The following ANK2 variants were observed in gnomAD, a reference collection of about 807,000 sequenced individuals.
The protein encoded by ANK2 is ankyrin-2.
ANK2 carries 83 observed loss-of-function variants against 360.5 expected under a neutral mutation model. The observed-to-expected ratio is 0.23, with a 90% CI of 0.19 to 0.28. The LOEUF is 0.28. Ranked by LOEUF, ANK2 falls within the 10% of genes least tolerant of loss-of-function variation. The pLI is 1.00. For missense variants in ANK2, 4,201 were observed against 4,795.7 expected, an observed-to-expected ratio of 0.88 and a Z score of 3.66; for synonymous variants, 1,740 against 1,759.5, an observed-to-expected ratio of 0.99 and a Z score of 0.28.
intron 2 of ANK2, among the ~76,000 whole-genome samples, chr4:112,945,391 T>C (rs968194207): frequency 6.6e-6 from 1 of 152,196 alleles, no homozygotes; most frequent in African/African-American, 2.4e-5. Flanking sequence ...TACCATTTAG[T>C]ATCAAGATTT....
intron 2 of ANK2, among the ~76,000 whole-genome samples, chr4:113,043,602 G>A (rs1176914861): frequency 2.0e-5 from 3 of 152,078 alleles, no homozygotes; most frequent in Admixed American, 6.6e-5. Context: ...TGAATTTTGG[G>A]AAGCTGGATT....
chr4:113,027,685 T>C (rs1226673986), intron 2 of ANK2, among the ~76,000 whole-genome samples: 1 of 152,170 alleles, frequency 6.6e-6, no homozygotes, highest in East Asian at 1.9e-4. Context: ...GTTCACAAAT[T>C]TAAATATTCC....
chr4:112,940,764 A>G (rs1023427567), intron 2 of ANK2, among the ~76,000 whole-genome samples: 1 of 152,122 alleles, frequency 6.6e-6, no homozygotes, highest in Non-Finnish European at 1.5e-5. Flanking sequence ...TCTTTTTTGC[A>G]TGAAAAAATA....
At chr4:113,261,209 CTT>C (rs1215478171) in intron 13 of ANK2, among the ~76,000 whole-genome samples, 4 of 152,220 alleles carry the variant, frequency 2.6e-5, no homozygotes, top group Non-Finnish European at 5.9e-5. Context: ...TGAAAATCTC[CTT>C]TTCCAGAAGG....
At chr4:112,776,828 C>G in the ANK2 span, among the ~76,000 whole-genome samples, 2 of 152,056 alleles carry the variant, frequency 1.3e-5, no homozygotes, top group African/African-American at 4.8e-5. Context: ...GCTGTGAATC[C>G]CATATATTTG....
chr4:113,097,037 C>T (rs1231877307), intron 1 of ANK2, among the ~76,000 whole-genome samples: 2 of 124,574 alleles, frequency 1.6e-5, no homozygotes, highest in African/African-American at 6.6e-5. Context: ...AATATTATCA[C>T]TCCTTCAATT....
At chr4:113,138,951 C>T (rs1015073513) in intron 1 of ANK2, among the ~76,000 whole-genome samples, 1 of 151,950 alleles carries the variant, frequency 6.6e-6, no homozygotes, top group East Asian at 1.9e-4. Flanking sequence ...TATTTTCTAC[C>T]CTTAGTCATG....
intron 23 of ANK2, among the ~76,000 whole-genome samples, chr4:113,307,948 T>C (rs560470768): frequency 2.4e-4 from 36 of 152,364 alleles, no homozygotes; most frequent in African/African-American, 8.2e-4. Context: ...ATCATCATTC[T>C]ATTAAGTGAG....
At position 113,250,760 on chromosome 4, in the gene ANK2, C is replaced by G. The variant is rs537481636; in HGVS notation, c.990+898C>G. Among the ~76,000 whole-genome samples, 49 of 136,710 alleles carry G rather than the reference C, an allele frequency of 3.6e-4. 15 individuals are homozygous for G. The highest frequency in any genetic ancestry group is 6.5e-4 in the Non-Finnish European group (40 of 61,498). The allele number at this position is 136,710 out of a possible 152,430, so 89.7% of individuals were successfully genotyped here. On this transcript the variant is annotated intron_variant, in intron 10 of 45. Coordinates refer to ENST00000357077, the MANE Select transcript of ANK2 (RefSeq NM_001148.6). ...CCATTCCACCTCATACCACCGCCCC[C>G]CCCCCCGACAGAGTTGGTATCAACT...
chr4:113,167,585 C>A (rs554756168), intron 1 of ANK2, among the ~76,000 whole-genome samples: 4 of 152,206 alleles, frequency 2.6e-5, no homozygotes, highest in African/African-American at 9.6e-5. Flanking sequence ...CAGGTGTGAG[C>A]CACTGCGCCC....
At chr4:113,310,486 G>T (rs546751051) in intron 23 of ANK2, among the ~76,000 whole-genome samples, 6 of 152,050 alleles carry the variant, frequency 3.9e-5, no homozygotes, top group African/African-American at 1.4e-4. Context: ...GTGCAATCTC[G>T]GCTCACTGCA....
the ANK2 span, among the ~76,000 whole-genome samples, chr4:112,761,489 A>G: frequency 6.6e-6 from 1 of 152,122 alleles, no homozygotes; most frequent in African/African-American, 2.4e-5. Context: ...ATGTGGTGGC[A>G]CGCGCCTGCA....
chr4:113,292,832 T>G, intron 21 of ANK2: 1 of 413,820 alleles, frequency 2.4e-6, no homozygotes, highest in Non-Finnish European at 4.6e-6. Context: ...CCCCTCGCCT[T>G]CTTAAGGGAG....
At chr4:112,974,789 GT>G (rs1220200579) in intron 2 of ANK2, among the ~76,000 whole-genome samples, 1 of 149,260 alleles carries the variant, frequency 6.7e-6, no homozygotes, top group African/African-American at 2.5e-5. Flanking sequence ...TGTCTTCTCT[GT>G]TTTTTTTCCT....
chr4:112,989,606 A>T (rs558805340), intron 2 of ANK2, among the ~76,000 whole-genome samples: 1 of 152,336 alleles, frequency 6.6e-6, no homozygotes, highest in Non-Finnish European at 1.5e-5. Flanking sequence ...AGTGGGGCAA[A>T]TTTTAAATTA....
chr4:112,897,223 C>G (rs1048962985), intron 1 of ANK2, among the ~76,000 whole-genome samples: 1 of 152,158 alleles, frequency 6.6e-6, no homozygotes, highest in Non-Finnish European at 1.5e-5. Context: ...TCTGGTCCCC[C>G]ATGACAGAAG....
intron 41 of ANK2, 91 bp downstream of exon 41, chr4:113,365,273 C>A: frequency 7.5e-6 from 8 of 1,064,452 alleles, no homozygotes; most frequent in African/African-American, 1.7e-5. Context: ...GACCTACTGT[C>A]TTTTTTTTTT....
chr4:113,285,821 G>C (rs937158523), intron 18 of ANK2, among the ~76,000 whole-genome samples: 4 of 151,990 alleles, frequency 2.6e-5, no homozygotes, highest in Non-Finnish European at 5.9e-5. Context: ...AAAGGAGGCC[G>C]GGGGAAGGTG....
intron 1 of ANK2, among the ~76,000 whole-genome samples, chr4:113,132,166 G>A (rs1443570562): frequency 6.6e-6 from 1 of 152,094 alleles, no homozygotes; most frequent in Admixed American, 6.6e-5. Flanking sequence ...GCTCATTTTG[G>A]AGTAGATTAT....
Sources: gnomAD v4.1 joint callset for allele counts (sites outside exome capture counted in the v4.1 genomes callset) on GRCh38, gnomAD v4.1.1 for gene constraint, MANE v1.5 for transcripts, NCBI Gene and HGNC (gene_info 2026-07-23, HGNC 2026-07-21) for gene names.